Variants in FRY observed in about 807,000 individuals in gnomAD.
The protein encoded by FRY is FRY microtubule binding protein.
In FRY, 128 loss-of-function variants were observed where a neutral mutation model predicts 348.4. That is an observed-to-expected ratio of 0.37 (90% CI 0.32 to 0.43). FRY has a LOEUF of 0.43. FRY is among the 20% of genes least tolerant of loss of function. The pLI is 1.00. For synonymous variants in FRY, 1,370 were observed against 1,374.7 expected (o/e 1.00, Z 0.08); for missense variants, 2,736 against 3,695.2 (o/e 0.74, Z 6.73).
chr13:32,220,164 G>T (rs544354114), intron 36 of FRY, among the ~76,000 whole-genome samples: 1 of 152,162 alleles, frequency 6.6e-6, no homozygotes, highest in South Asian at 2.1e-4. Flanking sequence ...AGTTCATTTC[G>T]TAAGTTGGTG....
Position 32,086,010 on chromosome 13 carries a change from G to C in FRY, c.270+6977G>C, listed in dbSNP as rs761669041. On this transcript the variant is annotated intron_variant, in intron 2 of 60. Coordinates refer to ENST00000542859, the MANE Select transcript of FRY (RefSeq NM_023037.3). ...AGCAAAATACTTGAGTCCTACCCAG[G>C]TGTGAATTGTGAAGACCTAGGCGGT... is the stretch of plus-strand genomic sequence containing the variant. 3 of 518,760 alleles carry C rather than the reference G, an allele frequency of 5.8e-6. No individual in the cohort carries two copies. The East Asian group carries it at 1.6e-4, about 28-fold the overall frequency. 32.1% of individuals were successfully genotyped at this position (518,760 alleles called of 1,614,324 possible). A position where few individuals can be genotyped will look rare whatever the true frequency, so the allele number is the denominator to read the frequency against.
At chr13:32,035,838 G>GT (rs1007118832) in intron 1 of FRY, among the ~76,000 whole-genome samples, 2 of 152,330 alleles carry the variant, frequency 1.3e-5, no homozygotes, top group Admixed American at 6.5e-5. Context: ...CAGTAGGAAG[G>GT]TGTTGGTGTG....
chr13:32,254,320 G>C lies in FRY; in HGVS notation c.7342G>C (p.Asp2448His). The change falls in exon 51 of 61, where the codon GAC becomes CAC. Residue 2448 changes from aspartate (D) to histidine (H), a missense_variant. Transcript: ENST00000542859. ...DGAREQENMD[D>H]TNSEQQFRVF... ...TGCCCGAGAGCAGGAGAACATGGAT[G>C]ACACAAACAGCGAGCAGCAGTTTAG... 6.2e-7 allele frequency: 1 copy of C among 1,614,122 alleles called. No individual in the cohort carries two copies. Among genetic ancestry groups the C allele is most frequent in the Non-Finnish European group, 8.5e-7 (1 of 1,180,004 alleles).
At chr13:32,171,346 C>A (rs1165494918) in intron 18 of FRY, 76 bp downstream of exon 18, 8 of 1,296,864 alleles carry the variant, frequency 6.2e-6, no homozygotes, top group Non-Finnish European at 8.1e-6. Flanking sequence ...CAGTCTTACT[C>A]TGTTGCCCAG....
At chr13:32,044,772 CT>C (rs770217110) in intron 1 of FRY, among the ~76,000 whole-genome samples, 1 of 152,206 alleles carries the variant, frequency 6.6e-6, no homozygotes, top group African/African-American at 2.4e-5. Flanking sequence ...AGAAATGCAT[CT>C]TTTGCCACCC....
chr13:32,113,857 T>C lies in FRY; in HGVS notation c.325-3477T>C, dbSNP rs1184642371. On this transcript the variant is annotated intron_variant, in intron 3 of 60. Transcript: ENST00000542859. ...GCTCAGAAGGGCAGTAACAGAAAGATGGAAAAACACACACATCCACCCCAT... is the reference window on the plus strand; with the variant it reads ...GCTCAGAAGGGCAGTAACAGAAAGACGGAAAAACACACACATCCACCCCAT... Among the ~76,000 whole-genome samples, 8 of 152,288 alleles carry C rather than the reference T, an allele frequency of 5.3e-5. No homozygotes were observed. In the South Asian group the frequency reaches 8.3e-4, roughly 16 times the overall value.
At chr13:32,034,802 C>T (rs1400877767) in intron 1 of FRY, among the ~76,000 whole-genome samples, 2 of 152,162 alleles carry the variant, frequency 1.3e-5, no homozygotes, top group African/African-American at 2.4e-5. Flanking sequence ...TCTGCTCCAG[C>T]CAACCAAGCT....
At position 32,237,753 on chromosome 13, in the gene FRY, T is replaced by C. The variant is rs1886293463; in HGVS notation, c.6185T>C (p.Met2062Thr). ...MESDFEFEYL[M>T]ALRLLSRLLA... ...TCTGATTTTGAGTTTGAATACTTAA[T>C]GGCCTTAAGGCTGTTGAGCAGACTA... Residue 2062 changes from methionine (M) to threonine (T), a missense_variant, in exon 44 of 61, where the codon ATG becomes ACG. Met to Thr is a moderately conservative substitution (Grantham distance 81). Around this residue, in one of 9 missense-constraint regions of FRY, gnomAD observed 789 missense variants for 996.2 expected, o/e 0.79. Coordinates refer to ENST00000542859, the MANE Select transcript of FRY (RefSeq NM_023037.3). The surrounding 1 kb of genome is among the most constrained non-coding windows in gnomAD (Gnocchi z 6.3). 1 of 1,614,184 alleles carries C rather than the reference T, an allele frequency of 6.2e-7. No homozygotes were observed. The highest frequency in any genetic ancestry group is 2.2e-5 in the East Asian group (1 of 44,880).
rs1478132761 is a variant in FRY at position 32,297,060 on chromosome 13, T to C, written c.*1600T>C. On this transcript the variant is annotated 3_prime_UTR_variant, in exon 61 of 61. Coordinates refer to ENST00000542859, the MANE Select transcript of FRY (RefSeq NM_023037.3). ...ATGTAACAATCTCATTTATGCCGTC[T>C]TTCTACTCATATTTTACATGGACCA... The C allele has an allele frequency of 6.6e-6, 1 of 152,212 alleles. No individual in the cohort carries two copies. The highest frequency in any genetic ancestry group is 1.5e-5 in the Non-Finnish European group (1 of 68,042). 9.4% of individuals were successfully genotyped at this position (152,212 alleles called of 1,614,324 possible).
At chr13:32,058,919 G>A (rs1239963168) in intron 1 of FRY, among the ~76,000 whole-genome samples, 1 of 152,158 alleles carries the variant, frequency 6.6e-6, no homozygotes, top group Non-Finnish European at 1.5e-5. Flanking sequence ...AGTGACACTG[G>A]AGTCTGATAA....
chr13:32,181,064 G>A (rs1341224283), intron 23 of FRY, among the ~76,000 whole-genome samples: 2 of 151,902 alleles, frequency 1.3e-5, no homozygotes, highest in South Asian at 2.1e-4. Context: ...CTAATATTTT[G>A]TATTTTTAGT....
At chr13:32,088,674 T>TAAAAG (rs59666834) in intron 2 of FRY, among the ~76,000 whole-genome samples, 1 of 151,938 alleles carries the variant, frequency 6.6e-6, no homozygotes, top group Non-Finnish European at 1.5e-5. Context: ...ACCACCATAG[T>TAAAAG]TTGATTGAAC....
At chr13:32,167,891 T>C (rs991723068) in intron 17 of FRY, among the ~76,000 whole-genome samples, 2 of 152,240 alleles carry the variant, frequency 1.3e-5, no homozygotes, top group Non-Finnish European at 2.9e-5. Context: ...ATGACTCAGC[T>C]GCTTGGCGAG....
chr13:32,163,377 A>G (rs370159476), intron 17 of FRY, among the ~76,000 whole-genome samples: 1 of 152,218 alleles, frequency 6.6e-6, no homozygotes, highest in Non-Finnish European at 1.5e-5. Flanking sequence ...TACTACCTGC[A>G]TGATCCGGAC....
intron 31 of FRY, among the ~76,000 whole-genome samples, chr13:32,205,627 G>A (rs951931002): frequency 3.9e-5 from 6 of 152,252 alleles, no homozygotes; most frequent in Admixed American, 2.0e-4. Context: ...TTGTAGGCCA[G>A]CAATCTTCCA....
chr13:32,131,140 A>G (rs1190112662), intron 7 of FRY, among the ~76,000 whole-genome samples: 1 of 152,230 alleles, frequency 6.6e-6, no homozygotes, highest in Non-Finnish European at 1.5e-5. Context: ...TTTTTAACCC[A>G]AAAATATATT....
intron 1 of FRY, among the ~76,000 whole-genome samples, chr13:32,064,596 T>G (rs1874134937): frequency 2.0e-5 from 3 of 152,172 alleles, no homozygotes; most frequent in Non-Finnish European, 4.4e-5. Context: ...CAGTAAATAG[T>G]CAATATGTGA....
At chr13:32,155,760 A>G (rs1593676106) in intron 15 of FRY, 98 bp downstream of exon 15, 2 of 744,596 alleles carry the variant, frequency 2.7e-6, no homozygotes, top group East Asian at 2.7e-5. Flanking sequence ...AAAAATCTTT[A>G]TAGAAGTAGA....
intron 7 of FRY, among the ~76,000 whole-genome samples, chr13:32,125,618 G>C (rs1213817918): frequency 6.6e-6 from 1 of 152,096 alleles, no homozygotes; most frequent in Non-Finnish European, 1.5e-5. Flanking sequence ...CTCAGAAAGA[G>C]ATTTTTATCT....
Sources: gnomAD v4.1 joint callset for allele counts (sites outside exome capture counted in the v4.1 genomes callset) on GRCh38, gnomAD v4.1.1 for gene constraint, gnomAD v4.1.1 regional missense constraint, Gnocchi (gnomAD v3.1) non-coding constraint, MANE v1.5 for transcripts, NCBI Gene and HGNC (gene_info 2026-07-23, HGNC 2026-07-21) for gene names.